Variants in TMEM204 observed in about 807,000 individuals in gnomAD.
TMEM204 encodes claudin-like protein 24.
In TMEM204, 15 loss-of-function variants were observed where a neutral mutation model predicts 19.4. The ratio of observed to expected loss-of-function variants is 0.77; its 90% CI spans 0.52 to 1.19. TMEM204 has a LOEUF of 1.19. TMEM204 is among the 50% of genes most tolerant of loss of function. The pLI, the probability that TMEM204 is intolerant of heterozygous loss-of-function variation, is 0.00. For missense variants in TMEM204, 287 were observed against 321.2 expected (o/e 0.89, Z 0.81); for synonymous variants, 161 against 146.0 (o/e 1.10, Z -0.74).
chr16:1,541,933 T>C lies in TMEM204; in HGVS notation c.293T>C (p.Met98Thr), dbSNP rs569958410. The C allele has an allele frequency of 6.2e-7, 1 of 1,604,436 alleles. No homozygotes were observed. The highest frequency in any genetic ancestry group is 8.5e-7 in the Non-Finnish European group (1 of 1,175,976). ...SRGTVKLQFDMMRACNLVATA... is the reference protein window; with the variant it reads ...SRGTVKLQFDTMRACNLVATA... Reference sequence around the variant, plus strand: ...TCTTGGCCCACAGTGCAGTTCGACATGATGCGCGCCTGCAACCTGGTGGCC... The same window carrying C: ...TCTTGGCCCACAGTGCAGTTCGACACGATGCGCGCCTGCAACCTGGTGGCC... Residue 98 changes from methionine to threonine, a missense_variant, in exon 2 of 3, where the codon ATG (methionine) becomes ACG (threonine). Physicochemically the swap from Met to Thr is moderately conservative, Grantham distance 81 (BLOSUM62 -1). Coordinates refer to ENST00000566264, the MANE Select transcript of TMEM204 (RefSeq NM_024600.6).
intron 2 of TMEM204, among the ~76,000 whole-genome samples, chr16:1,542,909 A>G (rs2031786264): frequency 6.6e-6 from 1 of 152,248 alleles, no homozygotes; most frequent in Non-Finnish European, 1.5e-5. Flanking sequence ...AGAGGGTGAC[A>G]GTGATGGAGT....
At position 1,534,138 on chromosome 16, in the gene TMEM204, T is replaced by C. The variant is rs1264823764; in HGVS notation, c.-138T>C. 1.8e-6 allele frequency: 2 copies of C among 1,112,496 alleles called. No individual in the cohort carries two copies. Among genetic ancestry groups the C allele is most frequent in the African/African-American group, 1.6e-5 (1 of 62,628 alleles). 68.9% of individuals were successfully genotyped at this position (1,112,496 alleles called of 1,614,324 possible). A position where few individuals can be genotyped will look rare whatever the true frequency, so the allele number is the denominator to read the frequency against. On this transcript the variant is annotated 5_prime_UTR_variant, in exon 1 of 3. The change abolishes an upstream ATG in the 5' untranslated region. Transcript: ENST00000566264. ...GAGGCGGCACACCTGGACCATCCCA[T>C]GGGCCTCCGCCCGCGCCGCCCCGAG...
chr16:1,538,015 G>A (rs535550262), intron 1 of TMEM204, among the ~76,000 whole-genome samples: 5 of 152,312 alleles, frequency 3.3e-5, no homozygotes, highest in Admixed American at 1.3e-4. Context: ...CTGCTACCAC[G>A]CACAGCCACG....
chr16:1,528,998 G>A (rs138773419), upstream of TMEM204, among the ~76,000 whole-genome samples: 1,003 of 152,256 alleles, frequency 6.6e-3, 10 homozygotes, highest in Non-Finnish European at 7.8e-3. Context: ...TGGTAGCCCC[G>A]GGCAGGCTCG....
chr16:1,529,291 G>A (rs1019126959), upstream of TMEM204, among the ~76,000 whole-genome samples: 5 of 152,202 alleles, frequency 3.3e-5, no homozygotes, highest in Admixed American at 6.5e-5. Context: ...CCAAACCCAC[G>A]GGCCAGGCCC....
chr16:1,534,723 G>GCTCT (rs1172057617), intron 1 of TMEM204, among the ~76,000 whole-genome samples, 168 bp downstream of exon 1: 1 of 152,206 alleles, frequency 6.6e-6, no homozygotes, highest in Non-Finnish European at 1.5e-5. Context: ...CAGGGAACCA[G>GCTCT]GCCCCAAGGC....
intron 1 of TMEM204, among the ~76,000 whole-genome samples, chr16:1,535,012 C>G (rs747265219): frequency 6.6e-6 from 1 of 151,998 alleles, no homozygotes; most frequent in Non-Finnish European, 1.5e-5. Flanking sequence ...CAAGACGAAC[C>G]TAGCCTACAT....
At chr16:1,530,010 A>G (rs1201153740), upstream of TMEM204, among the ~76,000 whole-genome samples, 1 of 151,722 alleles carries the variant, frequency 6.6e-6, no homozygotes, top group African/African-American at 2.4e-5. Context: ...CTTCTCTAAC[A>G]TCTGGGTGGT....
At chr16:1,538,189 G>A (rs1427986333) in intron 1 of TMEM204, among the ~76,000 whole-genome samples, 2 of 152,206 alleles carry the variant, frequency 1.3e-5, no homozygotes. Flanking sequence ...CGGTGGGTCT[G>A]TGGGTGCCCT....
chr16:1,537,004 C>G (rs899910736), intron 1 of TMEM204, among the ~76,000 whole-genome samples: 51 of 152,250 alleles, frequency 3.3e-4, no homozygotes, highest in African/African-American at 1.2e-3. Flanking sequence ...GGCAGCAGCT[C>G]TAGCCTGGCC....
In TMEM204 at chr16:1,537,440, C is replaced by T. The variant is rs534289657; in HGVS notation, c.280+2885C>T. Among the ~76,000 whole-genome samples, 179 of 152,382 alleles carry T rather than the reference C, an allele frequency of 1.2e-3. 3 individuals carry two copies. Among genetic ancestry groups the T allele is most frequent in the Admixed American group, 4.6e-4 (7 of 15,308 alleles). ...TGAGGGACAGGGGACGCGCCCCGGA[C>T]ATCCTGAACTCTGGTCAGGGCAAAG... On this transcript the variant is annotated intron_variant, in intron 1 of 2. Coordinates refer to ENST00000566264, the MANE Select transcript of TMEM204 (RefSeq NM_024600.6).
At position 1,533,702 on chromosome 16, in the gene TMEM204, C is replaced by CT. The variant is rs2030750670; in HGVS notation, c.-573dup. On this transcript the variant is annotated 5_prime_UTR_variant, in exon 1 of 3. Coordinates refer to ENST00000566264, the MANE Select transcript of TMEM204 (RefSeq NM_024600.6). The surrounding 1 kb of genome is among the most constrained non-coding windows in gnomAD (Gnocchi z 4.7). The stretch of plus-strand genomic sequence containing the variant: ...TGCTGAGAGCCAGGGAAGGCGAGCT[C>CT]TGCGCACACGGGCGTCCCTGCAGCA... 1 of 153,184 alleles carries CT rather than the reference C, an allele frequency of 6.5e-6. No homozygotes were observed. Among genetic ancestry groups the CT allele is most frequent in the African/African-American group, 2.4e-5 (1 of 41,474 alleles). 9.5% of individuals were successfully genotyped at this position (153,184 alleles called of 1,614,324 possible). A position where few individuals can be genotyped will look rare whatever the true frequency, so the allele number is the denominator to read the frequency against.
chr16:1,553,986 G>A lies in TMEM204; in HGVS notation c.437-796G>A. The stretch of plus-strand genomic sequence containing the variant: ...TCAGCGACTAACTAGACGGGAACAA[G>A]CTGCGCCAACCAAGGGTTGCTCACG... On this transcript the variant is annotated intron_variant, in intron 2 of 2. Coordinates refer to ENST00000566264, the MANE Select transcript of TMEM204 (RefSeq NM_024600.6). The surrounding 1 kb of genome is among the most constrained non-coding windows in gnomAD (Gnocchi z 4.4). 1.6e-6 allele frequency: 2 copies of A among 1,287,220 alleles called. No individual in the cohort carries two copies. The highest frequency in any genetic ancestry group is 1.1e-4 in the East Asian group (2 of 18,016). 79.7% of individuals were successfully genotyped at this position (1,287,220 alleles called of 1,614,324 possible).
Position 1,534,085 on chromosome 16 carries a change from T to C in TMEM204, c.-191T>C. On this transcript the variant is annotated 5_prime_UTR_variant, in exon 1 of 3. Transcript: ENST00000566264. ...AGCACAGGCCTGGCCCTGCTCCAGG[T>C]GCAGGAAGGAGGATAAGGCCGGGCC... The C allele has an allele frequency of 1.5e-6, 1 of 649,216 alleles. No individual in the cohort carries two copies. The highest frequency in any genetic ancestry group is 2.5e-6 in the Non-Finnish European group (1 of 403,120). The allele number at this position is 649,216 out of a possible 1,614,324, so 40.2% of individuals were successfully genotyped here.
intron 2 of TMEM204, among the ~76,000 whole-genome samples, chr16:1,554,525 G>A (rs2032932407): frequency 6.6e-6 from 1 of 152,164 alleles, no homozygotes; most frequent in Non-Finnish European, 1.5e-5. Flanking sequence ...CTCCACAGCC[G>A]CCAGAGCCTG....
intron 2 of TMEM204, among the ~76,000 whole-genome samples, chr16:1,544,972 TCTC>T (rs1567352706): frequency 6.6e-6 from 1 of 152,210 alleles, no homozygotes; most frequent in African/African-American, 2.4e-5. Context: ...TCTTAATAAA[TCTC>T]CTTGAAACTC....
At chr16:1,550,926 G>A (rs913057221) in intron 2 of TMEM204, among the ~76,000 whole-genome samples, 1 of 152,206 alleles carries the variant, frequency 6.6e-6, no homozygotes, top group Admixed American at 6.5e-5. Flanking sequence ...ACAGGGCCAC[G>A]TAGCCGATGC....
chr16:1,544,896 C>T (rs575013992), intron 2 of TMEM204, among the ~76,000 whole-genome samples: 49 of 152,302 alleles, frequency 3.2e-4, no homozygotes, highest in East Asian at 7.7e-4. Context: ...GATCCGCCCG[C>T]CTCGGCCTCC....
intron 2 of TMEM204, among the ~76,000 whole-genome samples, chr16:1,545,514 G>GT (rs59045034): frequency 2.6e-5 from 4 of 152,110 alleles, no homozygotes; most frequent in Admixed American, 6.5e-5. Context: ...TTAGAGTCGG[G>GT]TTTTTTTTCC....
Sources: allele counts gnomAD v4.1 joint callset (sites outside exome capture counted in the v4.1 genomes callset), GRCh38; gene constraint gnomAD v4.1.1; non-coding constraint Gnocchi (gnomAD v3.1); transcripts MANE v1.5; gene names NCBI Gene and HGNC (gene_info 2026-07-23, HGNC 2026-07-21).